The following QTRT2 variants were observed in gnomAD, a reference collection of about 807,000 sequenced individuals.
The protein encoded by QTRT2 is queuine tRNA-ribosyltransferase accessory subunit 2, also known as queuine tRNA-ribosyltransferase domain containing 1.
A neutral mutation model predicts 44.8 loss-of-function variants in QTRT2; 32 were observed. The observed-to-expected ratio is 0.71, with a 90% CI of 0.54 to 0.96. QTRT2 has a LOEUF of 0.96. Ranked by LOEUF, QTRT2 falls within the 40% of genes least tolerant of loss-of-function variation. QTRT2 has a pLI of 0.00. For synonymous variants in QTRT2, 182 were observed against 187.4 expected (o/e 0.97, Z 0.24); for missense variants, 461 against 503.1 (o/e 0.92, Z 0.80).
At chr3:114,070,544 A>C in intron 5 of QTRT2, 82 bp from the exon 6 acceptor site, 1 of 1,219,736 alleles carries the variant, frequency 8.2e-7, no homozygotes, top group East Asian at 2.5e-5. Context: ...GTAAAGAAGA[A>C]TTATTGCTTT....
Position 114,070,602 on chromosome 3 carries a change from C to T in QTRT2, c.334-24C>T, listed in dbSNP as rs202204506. 2.4e-3 allele frequency: 3,810 copies of T among 1,590,530 alleles called. 8 individuals carry two copies. The highest frequency in any genetic ancestry group is 2.9e-3 in the Non-Finnish European group (3,337 of 1,159,066). On this transcript the variant is annotated intron_variant, in intron 5 of 9. Coordinates refer to ENST00000281273, the MANE Select transcript of QTRT2 (RefSeq NM_024638.4). ...TATTTGCATTTTACTCTTGCTAATTCCTCATCATTTTGCTCCATGGCAGTC... is the reference window on the plus strand; with the variant it reads ...TATTTGCATTTTACTCTTGCTAATTTCTCATCATTTTGCTCCATGGCAGTC...
At chr3:114,067,248 C>T in intron 4 of QTRT2, among the ~76,000 whole-genome samples, 1 of 152,158 alleles carries the variant, frequency 6.6e-6, no homozygotes, top group Middle Eastern at 3.4e-3. Flanking sequence ...ATGAAAATAG[C>T]TAATGTAGGC....
rs1262388455 is a variant in QTRT2 at position 114,066,221 on chromosome 3, C to T, written c.201-7C>T. 24 of 1,599,042 alleles carry T rather than the reference C, an allele frequency of 1.5e-5. No homozygotes were observed. Among genetic ancestry groups the T allele is most frequent in the Non-Finnish European group, 2.1e-5 (24 of 1,167,118 alleles). On this transcript the variant is annotated splice_polypyrimidine_tract_variant and splice_region_variant and intron_variant, in intron 3 of 9. Transcript: ENST00000281273. Reference sequence around the variant, plus strand: ...TTATGTTATGTATTTTTCTGTTTTGCTTACAGAGCAGAACATCATGAAGTC... The same window carrying T: ...TTATGTTATGTATTTTTCTGTTTTGTTTACAGAGCAGAACATCATGAAGTC...
chr3:114,071,511 CTGGTCT>C (rs1368386403), intron 6 of QTRT2, among the ~76,000 whole-genome samples: 3 of 152,108 alleles, frequency 2.0e-5, no homozygotes, highest in Non-Finnish European at 4.4e-5. Flanking sequence ...GTTAGCCAGG[CTGGTCT>C]TGAACTTTTG....
intron 2 of QTRT2, among the ~76,000 whole-genome samples, chr3:114,060,464 CCAGA>C (rs975322628): frequency 6.9e-6 from 1 of 143,938 alleles, no homozygotes. Flanking sequence ...GTTCCAAACC[CCAGA>C]TAGATAGGTA....
At chr3:114,061,021 T>C (rs1199956137) in intron 2 of QTRT2, among the ~76,000 whole-genome samples, 1 of 152,196 alleles carries the variant, frequency 6.6e-6, no homozygotes, top group African/African-American at 2.4e-5. Context: ...TGGCATGCAA[T>C]TTCAAACTTA....
chr3:114,060,694 G>A (rs796384430), intron 2 of QTRT2, among the ~76,000 whole-genome samples: 16 of 151,908 alleles, frequency 1.1e-4, no homozygotes, highest in African/African-American at 2.9e-4. Flanking sequence ...TAGTCACCTC[G>A]GCAAACAGTC....
rs1213270281 is a variant in QTRT2 at position 114,085,773 on chromosome 3, C to T, written c.1117C>T (p.Leu373=). 11 of 1,614,170 alleles carry T rather than the reference C, an allele frequency of 6.8e-6. No individual in the cohort carries two copies. Among genetic ancestry groups the T allele is most frequent in the Non-Finnish European group, 8.5e-6 (10 of 1,180,008 alleles). ...YIHHLLVTNE[L]LAGVLLMMHN... is the part of the protein sequence containing the mutation. The stretch of plus-strand genomic sequence containing the variant: ...CCACCATCTGCTGGTGACCAATGAG[C>T]TGCTGGCCGGAGTCCTGCTTATGAT... The change falls in exon 10 of 10, where the codon CTG becomes TTG. Residue 373 remains leucine (L), a synonymous_variant. Coordinates refer to ENST00000281273, the MANE Select transcript of QTRT2 (RefSeq NM_024638.4).
At position 114,056,871 on chromosome 3, in the gene QTRT2, G is replaced by A. The variant is rs1456503106; in HGVS notation, c.-130+7G>A. The A allele has an allele frequency of 1.3e-6, 2 of 1,535,880 alleles. No individual in the cohort carries two copies. Among genetic ancestry groups the A allele is most frequent in the South Asian group, 1.2e-5 (1 of 83,992 alleles). The stretch of plus-strand genomic sequence containing the variant: ...TCGAATGGTTTGTTGGCAGGTAAGT[G>A]CCCCTTTGCCCTGCTGGTGTGGGAG... On this transcript the variant is annotated splice_region_variant and intron_variant, in intron 1 of 9. Transcript: ENST00000281273.
intron 2 of QTRT2, among the ~76,000 whole-genome samples, chr3:114,063,828 A>G (rs1163743095): frequency 1.3e-5 from 2 of 152,128 alleles, no homozygotes; most frequent in East Asian, 1.9e-4. Flanking sequence ...TTTATTCTTG[A>G]ATATATTTAA....
intron 5 of QTRT2, 179 bp downstream of exon 5, chr3:114,068,242 G>A: frequency 3.6e-6 from 2 of 553,950 alleles, no homozygotes; most frequent in Non-Finnish European, 6.6e-6. Flanking sequence ...GCCTAAGGAT[G>A]AGGTTAAGAT....
At chr3:114,065,644 A>G (rs547252130) in intron 3 of QTRT2, among the ~76,000 whole-genome samples, 187 bp downstream of exon 3, 5 of 152,302 alleles carry the variant, frequency 3.3e-5, no homozygotes, top group East Asian at 1.9e-4. Context: ...GGCCAGACCT[A>G]TATGTTAGAT....
intron 4 of QTRT2, among the ~76,000 whole-genome samples, chr3:114,066,762 G>A (rs981295613): frequency 6.6e-6 from 1 of 152,136 alleles, no homozygotes; most frequent in African/African-American, 2.4e-5. Context: ...GACAGGTGTG[G>A]GGCAGATGCT....
chr3:114,075,438 T>G (rs1219983164), intron 6 of QTRT2, among the ~76,000 whole-genome samples: 1 of 152,142 alleles, frequency 6.6e-6, no homozygotes, highest in Non-Finnish European at 1.5e-5. Flanking sequence ...TATTTAAATA[T>G]TCCTCCAAAG....
rs1015169742 is a variant in QTRT2 at position 114,086,016 on chromosome 3, A to C, written c.*112A>C. 2.3e-6 allele frequency: 2 copies of C among 856,032 alleles called. No homozygotes were observed. The highest frequency in any genetic ancestry group is 3.7e-6 in the Non-Finnish European group (2 of 542,114). The allele number at this position is 856,032 out of a possible 1,614,324, so 53.0% of individuals were successfully genotyped here. A position where few individuals can be genotyped will look rare whatever the true frequency, so the allele number is the denominator to read the frequency against. ...CTTTAATTATTTATATTTGGATATA[A>C]GGTCTGCTTAAATAAAGAATCTTTG... On this transcript the variant is annotated 3_prime_UTR_variant, in exon 10 of 10. Transcript: ENST00000281273.
At chr3:114,067,895 C>A in intron 4 of QTRT2, 92 bp from the exon 5 acceptor site, 1 of 1,042,076 alleles carries the variant, frequency 9.6e-7, no homozygotes. Flanking sequence ...TTGCTTTATT[C>A]AGCAGTACAC....
At chr3:114,077,113 T>A in intron 7 of QTRT2, 171 bp downstream of exon 7, 1 of 622,004 alleles carries the variant, frequency 1.6e-6, no homozygotes, top group Non-Finnish European at 2.8e-6. Flanking sequence ...GGAGTTTCCA[T>A]CAAGGCTGTC....
intron 4 of QTRT2, 175 bp downstream of exon 4, chr3:114,066,458 T>C (rs530941751): frequency 2.5e-5 from 14 of 562,702 alleles, no homozygotes; most frequent in Admixed American, 2.5e-4. Context: ...AAACAGTTGC[T>C]GCTCTCATGG....
chr3:114,065,132 A>C, intron 2 of QTRT2, 105 bp from the exon 3 acceptor site: 1 of 713,570 alleles, frequency 1.4e-6, no homozygotes, highest in Non-Finnish European at 2.4e-6. Flanking sequence ...AAGCAGTAAT[A>C]AGCATGCTAT....
Sources: gnomAD v4.1 joint callset for allele counts (sites outside exome capture counted in the v4.1 genomes callset) on GRCh38, gnomAD v4.1.1 for gene constraint, MANE v1.5 for transcripts, NCBI Gene and HGNC (gene_info 2026-07-23, HGNC 2026-07-21) for gene names.